Variants in BMPR2 observed in about 807,000 individuals in gnomAD.
BMPR2 encodes the protein bone morphogenetic protein receptor type 2.
Under a neutral mutation model 100.8 loss-of-function variants are expected in BMPR2, and 29 were observed. The observed-to-expected ratio is 0.29, with a 90% CI of 0.21 to 0.39. The LOEUF (loss-of-function observed/expected upper bound fraction) is 0.39. Ranked by LOEUF, BMPR2 falls within the 10% of genes least tolerant of loss-of-function variation. BMPR2 has a pLI of 1.00. For synonymous variants in BMPR2, 382 were observed against 442.3 expected (o/e 0.86, Z 1.71); for missense variants, 1,011 against 1,274.5 (o/e 0.79, Z 3.15).
intron 1 of BMPR2, among the ~76,000 whole-genome samples, chr2:202,390,000 CA>C (rs59969821): frequency 0.55 from 72,373 of 132,268 alleles, 18,128 homozygotes; most frequent in African/African-American, 0.64. Flanking sequence ...ATGAAGTATA[CA>C]AAAAAAAAAA....
intron 1 of BMPR2, among the ~76,000 whole-genome samples, chr2:202,453,205 C>CTTT (rs5837819): frequency 7.4e-5 from 11 of 148,746 alleles, no homozygotes; most frequent in Admixed American, 4.0e-4. Context: ...TATATACTGT[C>CTTT]TTTTTTTTTT....
At chr2:202,518,795 A>G (rs1291911814) in intron 5 of BMPR2, 27 bp from the exon 6 acceptor site, 2 of 1,566,400 alleles carry the variant, frequency 1.3e-6, no homozygotes, top group Admixed American at 3.3e-5. Flanking sequence ...TGATATTAAT[A>G]CCTTGCTTTC....
At chr2:202,472,687 T>C (rs919706837) in intron 3 of BMPR2, among the ~76,000 whole-genome samples, 4 of 152,208 alleles carry the variant, frequency 2.6e-5, no homozygotes, top group African/African-American at 9.6e-5. Context: ...AGTGAATTTG[T>C]TCATACATAT....
intron 8 of BMPR2, 82 bp downstream of exon 8, chr2:202,531,036 C>A: frequency 1.1e-5 from 17 of 1,521,490 alleles, no homozygotes; most frequent in Non-Finnish European, 1.4e-5. Context: ...GGTGTGGTGG[C>A]TCACGCCTGT....
chr2:202,397,518 A>G (rs1224337229), intron 1 of BMPR2, among the ~76,000 whole-genome samples: 1 of 140,228 alleles, frequency 7.1e-6, no homozygotes, highest in Non-Finnish European at 1.6e-5. Flanking sequence ...TTTTTTTTTG[A>G]GTCAGGGTCT....
chr2:202,477,338 A>G (rs972447041), intron 3 of BMPR2, among the ~76,000 whole-genome samples: 2 of 152,048 alleles, frequency 1.3e-5, no homozygotes, highest in Admixed American at 1.3e-4. Context: ...CTTTTCTGCT[A>G]ATTTTTATTT....
At chr2:202,535,733 C>A (rs1415722774) in intron 9 of BMPR2, among the ~76,000 whole-genome samples, 2 of 152,106 alleles carry the variant, frequency 1.3e-5, no homozygotes, top group African/African-American at 2.4e-5. Context: ...CCAAGGCAGG[C>A]GGCTGGGAGG....
rs1014687705 is a variant in BMPR2 at position 202,448,127 on chromosome 2, T to C, written c.77-16682T>C. 4.0e-5 allele frequency among the ~76,000 whole-genome samples: 6 copies of C among 148,660 alleles called. No individual in the cohort carries two copies. The South Asian group carries it at 1.3e-3, about 31-fold the overall frequency. On this transcript the variant is annotated intron_variant, in intron 1 of 12. Coordinates refer to ENST00000374580, the MANE Select transcript of BMPR2 (RefSeq NM_001204.7). ...TACTGCCGGGCACATAACCCACACC[T>C]AATAATAAGTATTTGACTTTTTTTT...
intron 1 of BMPR2, among the ~76,000 whole-genome samples, chr2:202,394,263 A>G (rs148770730): frequency 3.0e-4 from 45 of 152,188 alleles, no homozygotes; most frequent in African/African-American, 8.9e-4. Context: ...AGGCAGGAGA[A>G]TTGCTTGAAC....
At chr2:202,425,540 T>C (rs1304074752) in intron 1 of BMPR2, among the ~76,000 whole-genome samples, 1 of 152,184 alleles carries the variant, frequency 6.6e-6, no homozygotes, top group Non-Finnish European at 1.5e-5. Context: ...GGGCCGAGAT[T>C]AAAGGATATG....
chr2:202,536,870 CA>C (rs34999694), intron 9 of BMPR2, among the ~76,000 whole-genome samples: 17,957 of 84,128 alleles, frequency 0.21, 1,124 homozygotes, highest in South Asian at 0.31. Flanking sequence ...AACTCGGTCT[CA>C]AAAAAAAAAA....
At chr2:202,541,420 G>A (rs1688270259) in intron 9 of BMPR2, among the ~76,000 whole-genome samples, 1 of 152,088 alleles carries the variant, frequency 6.6e-6, no homozygotes, top group Non-Finnish European at 1.5e-5. Context: ...CAAAGTGAGA[G>A]CGTTTCTTTG....
At chr2:202,402,924 G>A (rs965634740) in intron 1 of BMPR2, among the ~76,000 whole-genome samples, 1 of 151,830 alleles carries the variant, frequency 6.6e-6, no homozygotes, top group Non-Finnish European at 1.5e-5. Flanking sequence ...CGCCTCCCGG[G>A]TACAAGCCAT....
At chr2:202,535,570 G>A (rs963345855) in intron 9 of BMPR2, among the ~76,000 whole-genome samples, 53 of 149,444 alleles carry the variant, frequency 3.5e-4, no homozygotes, top group Middle Eastern at 3.4e-3. Context: ...ATGGGATGGC[G>A]GCCGGGCGGA....
chr2:202,555,137 C>T (rs900690749), intron 11 of BMPR2, 115 bp from the exon 12 acceptor site: 9 of 946,886 alleles, frequency 9.5e-6, no homozygotes, highest in South Asian at 4.5e-5. Context: ...GAAAAATGTA[C>T]GTTTGGAAGA....
intron 9 of BMPR2, among the ~76,000 whole-genome samples, chr2:202,537,725 GT>G (rs1272605619): frequency 6.6e-6 from 1 of 152,114 alleles, no homozygotes; most frequent in African/African-American, 2.4e-5. Flanking sequence ...TAAGAAGAGA[GT>G]TGCTTTAAAA....
At chr2:202,541,184 TA>T in intron 9 of BMPR2, among the ~76,000 whole-genome samples, 1 of 152,270 alleles carries the variant, frequency 6.6e-6, no homozygotes, top group Non-Finnish European at 1.5e-5. Context: ...TTCACACCTG[TA>T]ATCTCAGCAC....
At chr2:202,440,514 C>T (rs1215317578) in intron 1 of BMPR2, among the ~76,000 whole-genome samples, 1 of 149,664 alleles carries the variant, frequency 6.7e-6, no homozygotes, top group Non-Finnish European at 1.5e-5. Context: ...CTCCTCACAT[C>T]CCAGATGATG....
chr2:202,417,286 GC>G (rs1231811971), intron 1 of BMPR2, among the ~76,000 whole-genome samples: 2 of 152,126 alleles, frequency 1.3e-5, no homozygotes, highest in Non-Finnish European at 2.9e-5. Flanking sequence ...ACAGGGACCT[GC>G]CACCATGCCC....
Sources: allele counts gnomAD v4.1 joint callset (sites outside exome capture counted in the v4.1 genomes callset), GRCh38; gene constraint gnomAD v4.1.1; transcripts MANE v1.5; gene names NCBI Gene and HGNC (gene_info 2026-07-23, HGNC 2026-07-21).